The following MARK2 variants were observed in gnomAD, a reference collection of about 807,000 sequenced individuals.
MARK2 encodes the protein serine/threonine-protein kinase MARK2.
MARK2 carries 16 observed loss-of-function variants against 89.8 expected under a neutral mutation model. The ratio of observed to expected loss-of-function variants is 0.18; its 90% CI spans 0.12 to 0.27. MARK2 has a LOEUF of 0.27. Ranked by LOEUF, MARK2 falls within the 10% of genes least tolerant of loss-of-function variation. MARK2 has a pLI of 1.00. For missense variants in MARK2, 621 were observed against 1,049.9 expected (o/e 0.59, Z 5.65); for synonymous variants, 382 against 399.5 (o/e 0.96, Z 0.52).
At chr11:63,872,149 T>A (rs985802206) in intron 1 of MARK2, among the ~76,000 whole-genome samples, 11 of 152,180 alleles carry the variant, frequency 7.2e-5, no homozygotes, top group African/African-American at 2.4e-4. Context: ...CTCCGGCCAC[T>A]CCTGACAAAT....
chr11:63,892,904 A>ATT (rs896527484), intron 1 of MARK2, among the ~76,000 whole-genome samples: 2,815 of 114,678 alleles, frequency 0.025, 161 homozygotes, highest in African/African-American at 0.089. Flanking sequence ...TGATTTCTTA[A>ATT]TTTTTTTTTT....
At chr11:63,860,673 A>G (rs1590992886) in intron 1 of MARK2, among the ~76,000 whole-genome samples, 2 of 152,122 alleles carry the variant, frequency 1.3e-5, no homozygotes, top group African/African-American at 4.8e-5. Flanking sequence ...CCTGGCCAAT[A>G]TGGTGAAACC....
At chr11:63,857,391 G>C (rs1429456485) in intron 1 of MARK2, among the ~76,000 whole-genome samples, 2 of 151,242 alleles carry the variant, frequency 1.3e-5, no homozygotes, top group Non-Finnish European at 2.9e-5. Context: ...ATGTTGGTCA[G>C]GCTGGTCTCG....
At chr11:63,874,722 A>T (rs1938640946) in intron 1 of MARK2, among the ~76,000 whole-genome samples, 1 of 152,234 alleles carries the variant, frequency 6.6e-6, no homozygotes, top group Non-Finnish European at 1.5e-5. Context: ...CAAGTGCAGC[A>T]GAACTTGTCG....
chr11:63,887,789 T>G (rs1291626448), intron 1 of MARK2, among the ~76,000 whole-genome samples: 3 of 152,110 alleles, frequency 2.0e-5, no homozygotes, highest in Non-Finnish European at 2.9e-5. Flanking sequence ...TGTGCCCAGA[T>G]AGTGGGGGCT....
chr11:63,910,287 C>G lies in MARK2; in HGVS notation c.*1050C>G, dbSNP rs1416019762. The G allele has an allele frequency of 6.6e-6, 1 of 152,452 alleles. No homozygotes were observed. The highest frequency in any genetic ancestry group is 2.4e-5 in the African/African-American group (1 of 41,472). 9.4% of individuals were successfully genotyped at this position (152,452 alleles called of 1,614,324 possible). ...CTCTCTCCATAGCAGTGACTTCCCT[C>G]ACCACTCTCATCTCTCAGCCTTGCC... On this transcript the variant is annotated 3_prime_UTR_variant, in exon 19 of 19. Transcript: ENST00000402010.
chr11:63,879,301 T>G (rs1194514997), intron 1 of MARK2, among the ~76,000 whole-genome samples: 1 of 151,946 alleles, frequency 6.6e-6, no homozygotes, highest in East Asian at 1.9e-4. Context: ...AGTGAGACTC[T>G]GTCTCAAAAA....
At chr11:63,894,621 G>A (rs758782027) in intron 1 of MARK2, among the ~76,000 whole-genome samples, 3 of 152,290 alleles carry the variant, frequency 2.0e-5, no homozygotes, top group South Asian at 2.1e-4. Context: ...GCTTGAACCC[G>A]GGAGGTGGAG....
At chr11:63,869,204 C>T (rs1292166852) in intron 1 of MARK2, 2 of 189,862 alleles carry the variant, frequency 1.1e-5, no homozygotes, top group African/African-American at 2.4e-5. Context: ...CCTCCCTGCT[C>T]CCCCCTCACC....
chr11:63,864,711 A>G (rs997308685), intron 1 of MARK2, among the ~76,000 whole-genome samples: 15 of 150,150 alleles, frequency 1.0e-4, no homozygotes, highest in Admixed American at 6.6e-5. Context: ...GCCCTTGATT[A>G]AGGTATCACT....
At chr11:63,906,374 T>G (rs544195842) in intron 17 of MARK2, among the ~76,000 whole-genome samples, 23 of 152,230 alleles carry the variant, frequency 1.5e-4, no homozygotes, top group African/African-American at 5.5e-4. Context: ...GCAAATGGCT[T>G]TAAAAATGAG....
At chr11:63,842,191 A>G (rs999711821) in intron 1 of MARK2, among the ~76,000 whole-genome samples, 1 of 149,486 alleles carries the variant, frequency 6.7e-6, no homozygotes, top group South Asian at 2.1e-4. Flanking sequence ...CCTTGGATGC[A>G]CCTATTCCAG....
At chr11:63,897,911 C>T (rs955808773) in intron 3 of MARK2, among the ~76,000 whole-genome samples, 1 of 152,146 alleles carries the variant, frequency 6.6e-6, no homozygotes, top group African/African-American at 2.4e-5. Flanking sequence ...TTCACGCACA[C>T]GGGCTCACAC....
At chr11:63,858,623 G>A (rs920150779) in intron 1 of MARK2, among the ~76,000 whole-genome samples, 7 of 152,200 alleles carry the variant, frequency 4.6e-5, no homozygotes, top group African/African-American at 1.7e-4. Context: ...AAAGTGCTGG[G>A]ATTACAGGCC....
At chr11:63,848,420 C>A (rs748456936) in intron 1 of MARK2, among the ~76,000 whole-genome samples, 5 of 152,166 alleles carry the variant, frequency 3.3e-5, no homozygotes, top group Admixed American at 6.6e-5. Context: ...GAGTCTTGCT[C>A]TGTTGCCCAG....
chr11:63,901,921 A>G (rs989119631), intron 11 of MARK2, among the ~76,000 whole-genome samples: 2 of 151,832 alleles, frequency 1.3e-5, no homozygotes, highest in Admixed American at 6.6e-5. Flanking sequence ...AGGGGAGTGG[A>G]CTTGAGTCTG....
At chr11:63,846,003 G>T (rs181138521) in intron 1 of MARK2, among the ~76,000 whole-genome samples, 2 of 152,010 alleles carry the variant, frequency 1.3e-5, no homozygotes, top group Non-Finnish European at 2.9e-5. Flanking sequence ...GATTACAGGA[G>T]TGAGCCACCG....
At position 63,906,073 on chromosome 11, in the gene MARK2, T is replaced by G. The variant is rs1302589916; in HGVS notation, c.1935-15T>G. ...TTCTTTTTTTATTTTGTCTTTTTTT[T>G]GTTTGTTTTTTTAGAAATCTGTCTT... On this transcript the variant is annotated splice_polypyrimidine_tract_variant and intron_variant, in intron 16 of 18. Transcript: ENST00000402010. The G allele has an allele frequency of 2.2e-6, 3 of 1,358,366 alleles. No homozygotes were observed. The highest frequency in any genetic ancestry group is 2.9e-6 in the Non-Finnish European group (3 of 1,051,880). The allele number at this position is 1,358,366 out of a possible 1,614,324, so 84.1% of individuals were successfully genotyped here.
At chr11:63,861,477 T>C (rs965503742) in intron 1 of MARK2, among the ~76,000 whole-genome samples, 11 of 152,146 alleles carry the variant, frequency 7.2e-5, no homozygotes, top group Admixed American at 3.3e-4. Context: ...ATTTGTTTAC[T>C]GTATTAGTTA....
Sources: allele counts gnomAD v4.1 joint callset (sites outside exome capture counted in the v4.1 genomes callset), GRCh38; gene constraint gnomAD v4.1.1; transcripts MANE v1.5; gene names NCBI Gene and HGNC (gene_info 2026-07-23, HGNC 2026-07-21).